RABGAP1L: variants seen among roughly 807,000 people sequenced by gnomAD.
RABGAP1L encodes rab GTPase-activating protein 1-like.
In RABGAP1L, 63 loss-of-function variants were observed where a neutral mutation model predicts 137.7. The ratio of observed to expected loss-of-function variants is 0.46; its 90% CI spans 0.37 to 0.56. The LOEUF is 0.56. Ranked by LOEUF, RABGAP1L falls within the 20% of genes least tolerant of loss-of-function variation. The pLI, the probability that RABGAP1L is intolerant of heterozygous loss-of-function variation, is 0.00. For missense variants in RABGAP1L, 1,095 were observed against 1,244.0 expected (o/e 0.88, Z 1.80); for synonymous variants, 431 against 433.7 (o/e 0.99, Z 0.08).
chr1:174,574,138 A>G (rs1668192083), intron 13 of RABGAP1L, among the ~76,000 whole-genome samples: 1 of 152,186 alleles, frequency 6.6e-6, no homozygotes. Flanking sequence ...GAAAGTAATA[A>G]ATTTGCTTTT....
At chr1:174,267,079 T>A (rs1674134971) in intron 7 of RABGAP1L, among the ~76,000 whole-genome samples, 1 of 152,224 alleles carries the variant, frequency 6.6e-6, no homozygotes, top group Non-Finnish European at 1.5e-5. Context: ...CATATACTTC[T>A]GCTTTGGATT....
At chr1:174,216,884 G>A (rs907476921) in intron 1 of RABGAP1L, among the ~76,000 whole-genome samples, 4 of 151,656 alleles carry the variant, frequency 2.6e-5, no homozygotes, top group Non-Finnish European at 4.4e-5. Flanking sequence ...TTGGTCTGGA[G>A]TTTTCATGTA....
chr1:174,948,237 T>C (rs1667174110), intron 19 of RABGAP1L, among the ~76,000 whole-genome samples: 1 of 151,924 alleles, frequency 6.6e-6, no homozygotes, highest in African/African-American at 2.4e-5. Flanking sequence ...AGAGTATAAT[T>C]GGGCTGGGTG....
At chr1:174,623,517 A>G (rs2148282544) in intron 13 of RABGAP1L, among the ~76,000 whole-genome samples, 1 of 152,352 alleles carries the variant, frequency 6.6e-6, no homozygotes, top group African/African-American at 2.4e-5. Flanking sequence ...GAAGAAACAC[A>G]AAGGGTTGAG....
At chr1:174,622,646 T>C (rs1028680278) in intron 13 of RABGAP1L, among the ~76,000 whole-genome samples, 3 of 152,100 alleles carry the variant, frequency 2.0e-5, no homozygotes, top group Admixed American at 6.5e-5. Flanking sequence ...TAGGTGGGAA[T>C]TGAACAATGA....
At chr1:174,616,527 A>G (rs773811424) in intron 13 of RABGAP1L, among the ~76,000 whole-genome samples, 3 of 152,300 alleles carry the variant, frequency 2.0e-5, no homozygotes, top group Admixed American at 1.3e-4. Flanking sequence ...TGGTCGACCT[A>G]GAGGTGGCAA....
In RABGAP1L at chr1:174,281,432, G is replaced by A. The variant is rs549008661; in HGVS notation, c.1323+2653G>A. ...GCGTTTTTACAGAGTGCTGATTGGT[G>A]TGTTTACAAACCTTTAGCTAGACAG... On this transcript the variant is annotated intron_variant, in intron 10 of 25. Coordinates refer to ENST00000681986, the MANE Select transcript of RABGAP1L (RefSeq NM_001366446.1). Among the ~76,000 whole-genome samples, 200 of 152,330 alleles carry A rather than the reference G, an allele frequency of 1.3e-3. 1 individual carries two copies. Among genetic ancestry groups the A allele is most frequent in the African/African-American group, 4.5e-3 (186 of 41,578 alleles).
chr1:174,487,998 G>C (rs912369581), intron 13 of RABGAP1L, among the ~76,000 whole-genome samples: 1 of 151,988 alleles, frequency 6.6e-6, no homozygotes, highest in Admixed American at 6.6e-5. Flanking sequence ...AAAAATTGTA[G>C]TAGTTACTAT....
intron 10 of RABGAP1L, among the ~76,000 whole-genome samples, chr1:174,293,959 C>T (rs1186334972): frequency 1.3e-5 from 2 of 152,058 alleles, no homozygotes; most frequent in Non-Finnish European, 2.9e-5. Flanking sequence ...AGCACTCACT[C>T]ATCACCCTTA....
At chr1:174,321,906 T>G (rs1680029259) in intron 11 of RABGAP1L, among the ~76,000 whole-genome samples, 1 of 152,222 alleles carries the variant, frequency 6.6e-6, no homozygotes, top group African/African-American at 2.4e-5. Flanking sequence ...CTTGGTCAAG[T>G]GTCTATTTGA....
intron 13 of RABGAP1L, among the ~76,000 whole-genome samples, chr1:174,395,875 G>A (rs564011394): frequency 5.8e-4 from 87 of 149,594 alleles, no homozygotes; most frequent in Non-Finnish European, 1.1e-3. Context: ...CCTAGAGAAA[G>A]TAGATATTTC....
In RABGAP1L at chr1:174,726,682, G is replaced by A. The variant is rs577795115; in HGVS notation, c.2169+24426G>A. On this transcript the variant is annotated intron_variant, in intron 17 of 25. Coordinates refer to ENST00000681986, the MANE Select transcript of RABGAP1L (RefSeq NM_001366446.1). ...GTTAGCTTGATTTTTCTGACTTTTT[G>A]TCATTCCTTCTCTTATGTATGGTGC... Among the ~76,000 whole-genome samples the A allele has an allele frequency of 1.1e-4, 17 of 151,984 alleles. No individual in the cohort carries two copies. In the South Asian group the frequency reaches 1.5e-3, roughly 13 times the overall value.
chr1:174,267,747 A>C (rs1051430942), intron 7 of RABGAP1L, among the ~76,000 whole-genome samples: 1 of 152,342 alleles, frequency 6.6e-6, no homozygotes, highest in South Asian at 2.1e-4. Context: ...TGCTTCAAAC[A>C]ACGAAGTGCT....
At chr1:174,454,640 C>T (rs75201085) in intron 13 of RABGAP1L, among the ~76,000 whole-genome samples, 5,218 of 151,238 alleles carry the variant, frequency 0.035, 117 homozygotes, top group Middle Eastern at 0.088. Flanking sequence ...AAGCTCGCCT[C>T]CCGGGTTCAC....
chr1:174,966,902 C>G (rs1032938232), intron 20 of RABGAP1L, among the ~76,000 whole-genome samples: 12 of 152,000 alleles, frequency 7.9e-5, no homozygotes. Flanking sequence ...GGCATCTTAT[C>G]CCTTCCAATG....
At chr1:174,187,784 A>G (rs1355508090) in intron 1 of RABGAP1L, among the ~76,000 whole-genome samples, 2 of 152,140 alleles carry the variant, frequency 1.3e-5, no homozygotes, top group Non-Finnish European at 2.9e-5. Context: ...CATAGGCACT[A>G]TTATTAATAA....
chr1:174,179,091 C>G (rs546007077), intron 1 of RABGAP1L, among the ~76,000 whole-genome samples: 2 of 152,074 alleles, frequency 1.3e-5, no homozygotes, highest in South Asian at 4.1e-4. Flanking sequence ...TTTTATTTTT[C>G]AAGAGACAGG....
At chr1:174,695,224 A>G (rs1679161821) in intron 15 of RABGAP1L, among the ~76,000 whole-genome samples, 1 of 152,002 alleles carries the variant, frequency 6.6e-6, no homozygotes, top group Non-Finnish European at 1.5e-5. Context: ...CCTCCTCTTT[A>G]CGCTCAATAA....
chr1:174,518,705 G>C (rs1458238053), intron 13 of RABGAP1L, among the ~76,000 whole-genome samples: 1 of 152,138 alleles, frequency 6.6e-6, no homozygotes, highest in African/African-American at 2.4e-5. Context: ...AATGAATGGT[G>C]CCTTCTGGAA....
Sources: gnomAD v4.1 joint callset for allele counts (sites outside exome capture counted in the v4.1 genomes callset) on GRCh38, gnomAD v4.1.1 for gene constraint, MANE v1.5 for transcripts, NCBI Gene and HGNC (gene_info 2026-07-23, HGNC 2026-07-21) for gene names.